Variants in TMEM163 observed in about 807,000 individuals in gnomAD.
The protein encoded by TMEM163 is transmembrane protein 163.
A neutral mutation model predicts 29.3 loss-of-function variants in TMEM163; 17 were observed. The ratio of observed to expected loss-of-function variants is 0.58; its 90% confidence interval spans 0.40 to 0.87. The LOEUF is 0.87. TMEM163 is among the 40% of genes least tolerant of loss of function. The pLI is 0.00. For synonymous variants in TMEM163, 157 were observed against 160.6 expected (o/e 0.98, Z 0.17); for missense variants, 303 against 381.5 (o/e 0.79, Z 1.71).
intron 2 of TMEM163, among the ~76,000 whole-genome samples, chr2:134,645,905 A>C (rs1450228094): frequency 6.6e-6 from 1 of 152,208 alleles, no homozygotes; most frequent in Non-Finnish European, 1.5e-5. Flanking sequence ...AATTGTTAAA[A>C]GTCATGGTAC....
intron 2 of TMEM163, among the ~76,000 whole-genome samples, chr2:134,681,096 C>T (rs929855453): frequency 1.3e-5 from 2 of 152,196 alleles, no homozygotes; most frequent in Non-Finnish European, 2.9e-5. Flanking sequence ...TAATAGTTCC[C>T]ATCATTTCCC....
At chr2:134,549,380 C>T (rs970158016) in intron 4 of TMEM163, among the ~76,000 whole-genome samples, 5 of 152,242 alleles carry the variant, frequency 3.3e-5, no homozygotes, top group Admixed American at 3.3e-4. Flanking sequence ...CAAAGTCTCG[C>T]TCTGTTGCCC....
intron 3 of TMEM163, among the ~76,000 whole-genome samples, chr2:134,551,524 CTA>C (rs1680923646): frequency 1.3e-5 from 2 of 152,148 alleles, no homozygotes; most frequent in African/African-American, 4.8e-5. Context: ...ATCACAAGCA[CTA>C]GCATCCTCTC....
chr2:134,645,347 T>C (rs1018614154), intron 2 of TMEM163, among the ~76,000 whole-genome samples: 3 of 152,224 alleles, frequency 2.0e-5, no homozygotes, highest in African/African-American at 7.2e-5. Flanking sequence ...TTTTCATTGA[T>C]GTATTGTTTA....
chr2:134,604,303 C>A (rs1306760030), intron 2 of TMEM163, among the ~76,000 whole-genome samples: 1 of 151,974 alleles, frequency 6.6e-6, no homozygotes. Context: ...AATTCTGTTA[C>A]CACATAGAGA....
At chr2:134,681,094 C>T (rs1475792350) in intron 2 of TMEM163, among the ~76,000 whole-genome samples, 1 of 152,150 alleles carries the variant, frequency 6.6e-6, no homozygotes, top group Non-Finnish European at 1.5e-5. Flanking sequence ...CTTAATAGTT[C>T]CCATCATTTC....
At chr2:134,684,884 C>G (rs1409697403) in intron 2 of TMEM163, among the ~76,000 whole-genome samples, 1 of 147,052 alleles carries the variant, frequency 6.8e-6, no homozygotes, top group Admixed American at 6.9e-5. Context: ...GATTGTGCCA[C>G]GGCACTCCAG....
chr2:134,705,039 G>A (rs1343014100), intron 2 of TMEM163, among the ~76,000 whole-genome samples: 2 of 151,800 alleles, frequency 1.3e-5, no homozygotes, highest in Admixed American at 6.6e-5. Context: ...GCGAAACCCC[G>A]GCTCTACTAA....
chr2:134,663,931 G>C (rs1352640167), intron 2 of TMEM163, among the ~76,000 whole-genome samples: 1 of 152,204 alleles, frequency 6.6e-6, no homozygotes, highest in Non-Finnish European at 1.5e-5. Context: ...TGGCAGGTGA[G>C]CACCCAACCT....
chr2:134,556,200 G>T (rs974038093), intron 2 of TMEM163, among the ~76,000 whole-genome samples: 1 of 152,122 alleles, frequency 6.6e-6, no homozygotes, highest in Admixed American at 6.5e-5. Context: ...TCTTAAATCA[G>T]TCCTGCCTGA....
chr2:134,680,449 C>G (rs1268087340), intron 2 of TMEM163, among the ~76,000 whole-genome samples: 1 of 152,044 alleles, frequency 6.6e-6, no homozygotes, highest in Non-Finnish European at 1.5e-5. Flanking sequence ...TAGACCCTGT[C>G]TCAAAAACAA....
chr2:134,692,188 C>A (rs935553893), intron 2 of TMEM163, among the ~76,000 whole-genome samples: 1 of 152,122 alleles, frequency 6.6e-6, no homozygotes, highest in African/African-American at 2.4e-5. Flanking sequence ...AAGTATTCTT[C>A]CCTACACCTC....
At chr2:134,481,218 G>A (rs779772315) in intron 5 of TMEM163, among the ~76,000 whole-genome samples, 2 of 152,030 alleles carry the variant, frequency 1.3e-5, no homozygotes, top group Non-Finnish European at 2.9e-5. Context: ...TTGTTTCATG[G>A]CCCTCCCCCG....
intron 2 of TMEM163, among the ~76,000 whole-genome samples, chr2:134,681,986 G>A (rs758738786): frequency 6.6e-6 from 1 of 152,068 alleles, no homozygotes; most frequent in Non-Finnish European, 1.5e-5. Flanking sequence ...CAGCAAACAC[G>A]CAATTAAGAG....
intron 2 of TMEM163, among the ~76,000 whole-genome samples, chr2:134,634,916 A>G (rs1045867623): frequency 2.6e-5 from 4 of 152,272 alleles, no homozygotes; most frequent in African/African-American, 7.2e-5. Flanking sequence ...AATAGTTGCT[A>G]AGTTTAGAGA....
chr2:134,514,407 T>A (rs112049963), intron 4 of TMEM163, among the ~76,000 whole-genome samples: 1,201 of 89,170 alleles, frequency 0.013, 23 homozygotes, highest in African/African-American at 0.053. Flanking sequence ...TTTTTTTTTT[T>A]AAAAAAAGAG....
chr2:134,695,634 G>A (rs1684562909), intron 2 of TMEM163, among the ~76,000 whole-genome samples: 1 of 152,168 alleles, frequency 6.6e-6, no homozygotes, highest in Non-Finnish European at 1.5e-5. Flanking sequence ...AGTGTTTTCT[G>A]TGCCCAAAGT....
intron 2 of TMEM163, among the ~76,000 whole-genome samples, chr2:134,647,096 T>C (rs1241129153): frequency 2.0e-5 from 3 of 152,206 alleles, no homozygotes; most frequent in Non-Finnish European, 1.5e-5. Flanking sequence ...GCTGTGTGCC[T>C]TAGCCAAGTC....
chr2:134,718,382 G>A (rs1462796295), intron 1 of TMEM163, among the ~76,000 whole-genome samples: 2 of 152,234 alleles, frequency 1.3e-5, no homozygotes, highest in South Asian at 2.1e-4. Flanking sequence ...AGTAGGGCCC[G>A]GAGTGGCCCA....
Sources: gnomAD v4.1 joint callset for allele counts (sites outside exome capture counted in the v4.1 genomes callset) on GRCh38, gnomAD v4.1.1 for gene constraint, MANE v1.5 for transcripts, NCBI Gene and HGNC (gene_info 2026-07-23, HGNC 2026-07-21) for gene names.